The following GPR19 variants were observed in gnomAD, a reference collection of about 807,000 sequenced individuals.
The protein encoded by GPR19 is G protein-coupled receptor 19.
A neutral mutation model predicts 28.5 loss-of-function variants in GPR19; 14 were observed. The observed-to-expected ratio is 0.49, with a 90% CI of 0.32 to 0.77. The LOEUF is 0.77. GPR19 is among the 30% of genes least tolerant of loss of function. GPR19 has a pLI of 0.03. For missense variants in GPR19, 409 were observed against 504.1 expected, an observed-to-expected ratio of 0.81 and a Z score of 1.81; for synonymous variants, 173 against 184.1, an observed-to-expected ratio of 0.94 and a Z score of 0.49.
chr12:12,702,010 T>C, the GPR19 span, among the ~76,000 whole-genome samples: 1 of 152,018 alleles, frequency 6.6e-6, no homozygotes, highest in African/African-American at 2.4e-5. Flanking sequence ...GCTTGCATCA[T>C]CTTTTTATAG....
At chr12:12,667,950 C>T (rs1297868806) in intron 3 of GPR19, among the ~76,000 whole-genome samples, 1 of 152,114 alleles carries the variant, frequency 6.6e-6, no homozygotes, top group African/African-American at 2.4e-5. Flanking sequence ...TTATCCAATA[C>T]TTGAAAATAA....
chr12:12,683,427 G>A (rs138299128), intron 3 of GPR19, among the ~76,000 whole-genome samples: 2 of 152,332 alleles, frequency 1.3e-5, no homozygotes, highest in East Asian at 3.9e-4. Context: ...TAGCTCAGTG[G>A]TTAAGAGCAC....
chr12:12,701,919 C>CAA, the GPR19 span, among the ~76,000 whole-genome samples: 11 of 96,132 alleles, frequency 1.1e-4, no homozygotes, highest in African/African-American at 4.0e-4. Context: ...GACCCTGTCT[C>CAA]AAAAAAAAAA....
chr12:12,694,394 G>T (rs1946233387), intron 2 of GPR19, among the ~76,000 whole-genome samples: 1 of 149,966 alleles, frequency 6.7e-6, no homozygotes, highest in Non-Finnish European at 1.5e-5. Context: ...TTTTAGTAGA[G>T]ACGGGGTTTC....
At chr12:12,687,023 T>C (rs1022665202) in intron 2 of GPR19, among the ~76,000 whole-genome samples, 1 of 152,216 alleles carries the variant, frequency 6.6e-6, no homozygotes, top group African/African-American at 2.4e-5. Flanking sequence ...CCAAATTTAC[T>C]TTTGACATTG....
chr12:12,686,860 C>T (rs1301869509), intron 2 of GPR19, among the ~76,000 whole-genome samples: 1 of 152,154 alleles, frequency 6.6e-6, no homozygotes, highest in Non-Finnish European at 1.5e-5. Flanking sequence ...ATATTTATTC[C>T]TTCCAGGATG....
chr12:12,692,044 T>C (rs1040549280), intron 2 of GPR19, among the ~76,000 whole-genome samples: 15 of 152,358 alleles, frequency 9.8e-5, no homozygotes, highest in African/African-American at 3.4e-4. Flanking sequence ...TCTTTTTTCC[T>C]GACTTGTTTC....
intron 2 of GPR19, among the ~76,000 whole-genome samples, chr12:12,689,916 C>A (rs1946159398): frequency 6.6e-6 from 1 of 152,184 alleles, no homozygotes. Flanking sequence ...TTCTCACCAA[C>A]CAGCACCAAC....
intron 2 of GPR19, among the ~76,000 whole-genome samples, chr12:12,691,962 A>G (rs751018262): frequency 2.0e-5 from 3 of 152,228 alleles, no homozygotes; most frequent in Non-Finnish European, 4.4e-5. Context: ...CACCTGACTT[A>G]GTTTAGGCAT....
At chr12:12,704,417 G>A in the GPR19 span, among the ~76,000 whole-genome samples, 4 of 152,116 alleles carry the variant, frequency 2.6e-5, no homozygotes, top group African/African-American at 9.7e-5. Flanking sequence ...CAGTAGAATC[G>A]CTTGAACCCA....
At chr12:12,711,428 C>G in the GPR19 span, among the ~76,000 whole-genome samples, 1 of 152,092 alleles carries the variant, frequency 6.6e-6, no homozygotes, top group East Asian at 1.9e-4. Context: ...CTTTCCAGCC[C>G]ATGAGAAAGG....
intron 3 of GPR19, among the ~76,000 whole-genome samples, chr12:12,680,151 C>T (rs1402415311): frequency 6.6e-6 from 1 of 152,074 alleles, no homozygotes; most frequent in Non-Finnish European, 1.5e-5. Flanking sequence ...ATTTGTATTA[C>T]TCTAATATCC....
chr12:12,698,482 C>A (rs181037744), upstream of GPR19, among the ~76,000 whole-genome samples: 1 of 152,172 alleles, frequency 6.6e-6, no homozygotes, highest in Non-Finnish European at 1.5e-5. Context: ...ATTGTGACCC[C>A]AGGACAAATG....
In GPR19 at chr12:12,661,703, T is replaced by C; in HGVS notation, c.746A>G (p.Tyr249Cys). 3 of 1,614,210 alleles carry C rather than the reference T, an allele frequency of 1.9e-6. No homozygotes were observed. The highest frequency in any genetic ancestry group is 2.5e-6 in the Non-Finnish European group (3 of 1,180,022). The change falls in exon 4 of 4, where the codon TAT becomes TGT. Residue 249 changes from tyrosine to cysteine, a missense_variant. Physicochemically the swap from Tyr to Cys is radical, Grantham distance 194. Coordinates refer to ENST00000651487, the MANE Select transcript of GPR19 (RefSeq NM_006143.3). This position sits in a 1 kb window ranked among gnomAD's most constrained non-coding sequence, Gnocchi z 4.2. ...GCCATCTGTGCCTATTCTCCAAATA[T>C]ATTTTATGACCTTTTGGTAAAATAA... ...IILFYQKVIKYIWRIGTDGRT... is the reference protein window; with the variant it reads ...IILFYQKVIKCIWRIGTDGRT...
At chr12:12,700,933 A>G (rs1042780554), upstream of GPR19, among the ~76,000 whole-genome samples, 2 of 152,142 alleles carry the variant, frequency 1.3e-5, no homozygotes, top group Non-Finnish European at 2.9e-5. Flanking sequence ...GAAAACCTAA[A>G]TTGTCGAATG....
chr12:12,671,787 C>T (rs528723647), intron 3 of GPR19, among the ~76,000 whole-genome samples: 2 of 152,330 alleles, frequency 1.3e-5, no homozygotes, highest in Non-Finnish European at 2.9e-5. Context: ...AAATCAACCT[C>T]TCTCACAATT....
the GPR19 span, among the ~76,000 whole-genome samples, chr12:12,707,070 TC>T: frequency 0.14 from 21,330 of 152,106 alleles, 1,914 homozygotes; most frequent in East Asian, 0.31. Context: ...CATCTCCTAC[TC>T]CCCAGCCCCC....
chr12:12,668,824 T>A (rs1019451187), intron 3 of GPR19, among the ~76,000 whole-genome samples: 4 of 152,198 alleles, frequency 2.6e-5, no homozygotes, highest in Non-Finnish European at 2.9e-5. Flanking sequence ...TAATACTTAT[T>A]TTTGTGCTTA....
chr12:12,692,240 A>T (rs1262425276), intron 2 of GPR19, among the ~76,000 whole-genome samples: 1 of 152,202 alleles, frequency 6.6e-6, no homozygotes, highest in Non-Finnish European at 1.5e-5. Flanking sequence ...CTCTACTTCT[A>T]TGAATTTTTC....
Sources: allele counts gnomAD v4.1 joint callset (sites outside exome capture counted in the v4.1 genomes callset), GRCh38; gene constraint gnomAD v4.1.1; non-coding constraint Gnocchi (gnomAD v3.1); transcripts MANE v1.5; gene names NCBI Gene and HGNC (gene_info 2026-07-23, HGNC 2026-07-21).